Variants in NLGN1 observed in about 807,000 individuals in gnomAD.
NLGN1 encodes the protein neuroligin-1.
In NLGN1, 12 loss-of-function variants were observed where a neutral mutation model predicts 65.5. The observed-to-expected ratio is 0.18, with a 90% CI of 0.12 to 0.30. The LOEUF (loss-of-function observed/expected upper bound fraction) is 0.30. Among genes scored for constraint, NLGN1 ranks in the 10% least tolerant of loss-of-function variants. The pLI is 1.00. For synonymous variants in NLGN1, 350 were observed against 359.5 expected, an observed-to-expected ratio of 0.97 and a Z score of 0.30; for missense variants, 750 against 1,007.1, an observed-to-expected ratio of 0.74 and a Z score of 3.46.
chr3:174,190,341 A>G (rs556646960), intron 4 of NLGN1, among the ~76,000 whole-genome samples: 34 of 152,180 alleles, frequency 2.2e-4, no homozygotes, highest in African/African-American at 8.2e-4. Context: ...TCTATCGCAA[A>G]ACAGTTTTAG....
At chr3:174,285,334 T>C (rs1751986156) in exon 7 of NLGN1, 1 of 151,492 alleles carries the variant, frequency 6.6e-6, no homozygotes, top group Non-Finnish European at 1.5e-5. Context: ...ACTATCACTT[T>C]TTAATGTGAG....
intron 4 of NLGN1, among the ~76,000 whole-genome samples, chr3:174,066,556 CTCTCTCTCTG>C (rs1216084558): frequency 6.0e-5 from 8 of 133,854 alleles, no homozygotes; most frequent in African/African-American, 1.8e-4. Flanking sequence ...CTCTCTCTCT[CTCTCTCTCTG>C]TGTGTGTGTG....
At position 174,279,617 on chromosome 3, in the gene NLGN1, T is replaced by C. The variant is rs1446505975; in HGVS notation, c.1616T>C (p.Val539Ala). 6.2e-7 allele frequency: 1 copy of C among 1,611,492 alleles called. No individual in the cohort carries two copies. The highest frequency in any genetic ancestry group is 1.1e-5 in the South Asian group (1 of 90,918). ...AATGATGTGATGCTGAGTGCAGTTG[T>C]AATGACATACTGGACAAATTTTGCT... Residue 539 changes from valine (V) to alanine (A), a missense_variant, in exon 6 of 7, where the codon GTA (valine) becomes GCA (alanine). Physicochemically the swap from Val to Ala is moderately conservative, Grantham distance 64. Transcript: ENST00000457714. This position sits in a 1 kb window ranked among gnomAD's most constrained non-coding sequence, Gnocchi z 4.7.
At chr3:173,712,976 G>A (rs1769233038) in intron 3 of NLGN1, among the ~76,000 whole-genome samples, 1 of 151,912 alleles carries the variant, frequency 6.6e-6, no homozygotes, top group Admixed American at 6.6e-5. Context: ...CAGCAAGGTC[G>A]GAAACAATGA....
chr3:173,778,817 T>C (rs921533478), intron 3 of NLGN1, among the ~76,000 whole-genome samples: 2 of 151,700 alleles, frequency 1.3e-5, no homozygotes, highest in Non-Finnish European at 3.0e-5. Context: ...AAATATAGAA[T>C]TCTGGATTAC....
intron 4 of NLGN1, among the ~76,000 whole-genome samples, chr3:173,933,218 C>T (rs566634287): frequency 6.1e-4 from 93 of 152,038 alleles, no homozygotes; most frequent in Non-Finnish European, 1.2e-3. Flanking sequence ...AGGGCACCTC[C>T]GGTGAAACAC....
At position 173,604,955 on chromosome 3, in the gene NLGN1, G is replaced by A. The variant is rs1358041996; in HGVS notation, c.357G>A (p.Gln119=). Residue 119 remains glutamine (Q), a synonymous_variant, in exon 3 of 7, where the codon CAG becomes CAA. Coordinates refer to ENST00000457714, the Ensembl canonical transcript of NLGN1. Reference sequence around the variant, plus strand: ...CTCAATTTGCTCCTGTGTGTCCCCAGAATATCATTGATGGCAGATTGCCAG... The same window carrying A: ...CTCAATTTGCTCCTGTGTGTCCCCAAAATATCATTGATGGCAGATTGCCAG... 3 of 1,613,552 alleles carry A rather than the reference G, an allele frequency of 1.9e-6. No homozygotes were observed. In the African/African-American group the frequency reaches 4.0e-5, roughly 22 times the overall value.
At chr3:173,754,418 TCACCCAATA>T (rs1776794402) in intron 3 of NLGN1, among the ~76,000 whole-genome samples, 1 of 152,146 alleles carries the variant, frequency 6.6e-6, no homozygotes. Context: ...AATGCCCATT[TCACCCAATA>T]CTCCTCATTC....
chr3:173,708,373 A>G (rs1032485870), intron 3 of NLGN1, among the ~76,000 whole-genome samples: 1 of 152,018 alleles, frequency 6.6e-6, no homozygotes, highest in Non-Finnish European at 1.5e-5. Context: ...GTGCTGCACC[A>G]CGGGGAATCC....
intron 3 of NLGN1, among the ~76,000 whole-genome samples, chr3:173,736,419 G>A (rs1169755718): frequency 1.3e-5 from 2 of 152,170 alleles, no homozygotes; most frequent in East Asian, 3.9e-4. Flanking sequence ...GAAGCATGAA[G>A]TCCAGGGGAA....
At chr3:174,064,262 T>C (rs1560955223) in intron 4 of NLGN1, among the ~76,000 whole-genome samples, 1 of 152,128 alleles carries the variant, frequency 6.6e-6, no homozygotes. Context: ...CAACACCTAA[T>C]ATAGTGATGG....
At chr3:173,488,792 A>G (rs1728583681) in intron 2 of NLGN1, among the ~76,000 whole-genome samples, 1 of 151,852 alleles carries the variant, frequency 6.6e-6, no homozygotes, top group Non-Finnish European at 1.5e-5. Flanking sequence ...TCATTAATAT[A>G]TTGTATCTAT....
intron 3 of NLGN1, among the ~76,000 whole-genome samples, chr3:173,750,389 G>A (rs1396371339): frequency 6.6e-6 from 1 of 151,992 alleles, no homozygotes; most frequent in East Asian, 1.9e-4. Flanking sequence ...TGAAGTTTCT[G>A]GTGAGAGTAT....
chr3:173,710,428 T>G (rs1356456181), intron 3 of NLGN1, among the ~76,000 whole-genome samples: 5 of 152,358 alleles, frequency 3.3e-5, no homozygotes, highest in Non-Finnish European at 5.9e-5. Context: ...CATAGTCTAA[T>G]TTTTCAGCAT....
Position 174,077,141 on chromosome 3 carries a change from G to T in NLGN1, c.647-198174G>T, listed in dbSNP as rs185417106. On this transcript the variant is annotated intron_variant, in intron 4 of 6. Coordinates refer to ENST00000457714, the Ensembl canonical transcript of NLGN1. ...TTTCCTACTAAATCAATACACTGATGGACACATCGAGTGACAAATTACAGA... is the reference window on the plus strand; with the variant it reads ...TTTCCTACTAAATCAATACACTGATTGACACATCGAGTGACAAATTACAGA... Among the ~76,000 whole-genome samples, 5 of 151,812 alleles carry T rather than the reference G, an allele frequency of 3.3e-5. No homozygotes were observed. The East Asian group carries it at 9.7e-4, about 29-fold the overall frequency.
chr3:173,402,360 C>T (rs943281839), intron 1 of NLGN1, among the ~76,000 whole-genome samples: 2 of 152,054 alleles, frequency 1.3e-5, no homozygotes, highest in African/African-American at 4.8e-5. Flanking sequence ...TCTTCCTATT[C>T]TTGTTTATAT....
chr3:173,421,476 A>T (rs1030530041), intron 1 of NLGN1, among the ~76,000 whole-genome samples: 1 of 151,530 alleles, frequency 6.6e-6, no homozygotes, highest in East Asian at 1.9e-4. Context: ...AACAAAGTCC[A>T]TTATAGAAAA....
chr3:173,586,113 A>G lies in NLGN1; in HGVS notation c.-320-18166A>G, dbSNP rs1031980278. The stretch of plus-strand genomic sequence containing the variant: ...GTAGGTTAACGAATCTGAGACTTCA[A>G]CATCACAATTTTAGTTGGCTTTTTT... On this transcript the variant is annotated intron_variant, in intron 2 of 6. Coordinates refer to ENST00000457714, the Ensembl canonical transcript of NLGN1. Among the ~76,000 whole-genome samples, 8 of 147,698 alleles carry G rather than the reference A, an allele frequency of 5.4e-5. No individual in the cohort carries two copies. The Admixed American group carries it at 5.5e-4, about 10-fold the overall frequency.
At chr3:174,283,373 A>G (rs899272540) in exon 7 of NLGN1, 1 of 151,528 alleles carries the variant, frequency 6.6e-6, no homozygotes, top group African/African-American at 2.4e-5. Context: ...GTGTTGTTAA[A>G]TATCTCTTAG....
Sources: allele counts gnomAD v4.1 joint callset (sites outside exome capture counted in the v4.1 genomes callset), GRCh38; gene constraint gnomAD v4.1.1; non-coding constraint Gnocchi (gnomAD v3.1); transcripts MANE v1.5; gene names NCBI Gene and HGNC (gene_info 2026-07-23, HGNC 2026-07-21).